The following SLC35F4 variants were observed in gnomAD, a reference collection of about 807,000 sequenced individuals.
The protein encoded by SLC35F4 is solute carrier family 35 member F4.
Under a neutral mutation model 44.2 loss-of-function variants are expected in SLC35F4, and 24 were observed. The ratio of observed to expected loss-of-function variants is 0.54; its 90% CI spans 0.39 to 0.76. SLC35F4 has a LOEUF of 0.76. Among genes scored for constraint, SLC35F4 ranks in the 30% least tolerant of loss-of-function variants. SLC35F4 has a pLI of 0.00. For synonymous variants in SLC35F4, 238 were observed against 223.6 expected (o/e 1.06, Z -0.57); for missense variants, 562 against 586.1 (o/e 0.96, Z 0.42).
chr14:57,870,787 T>G (rs957266391), upstream of SLC35F4, among the ~76,000 whole-genome samples: 2 of 152,256 alleles, frequency 1.3e-5, no homozygotes, highest in African/African-American at 4.8e-5. Flanking sequence ...ATTTACACTT[T>G]CACTCTCCAT....
chr14:57,622,465 T>C (rs1238012432), intron 1 of SLC35F4, among the ~76,000 whole-genome samples: 1 of 149,032 alleles, frequency 6.7e-6, no homozygotes, highest in Non-Finnish European at 1.5e-5. Context: ...GTGGCACATA[T>C]ACACCATGGA....
chr14:57,836,533 C>T (rs551541047), intron 1 of SLC35F4, among the ~76,000 whole-genome samples: 174 of 152,242 alleles, frequency 1.1e-3, no homozygotes, highest in Middle Eastern at 3.4e-3. Flanking sequence ...GCTCGTGATC[C>T]GCCTGCCTCA....
intron 1 of SLC35F4, among the ~76,000 whole-genome samples, chr14:57,937,595 GAAAAGAAAAGAAAAGAAAAGA>G (rs1566505603): frequency 1.7e-5 from 1 of 59,314 alleles, no homozygotes; most frequent in Non-Finnish European, 3.1e-5. Flanking sequence ...AGAAAGAAAA[GAAAAGAAAAGAAAAGAAAAGA>G]AAAGAAAAGA....
intron 1 of SLC35F4, among the ~76,000 whole-genome samples, chr14:57,957,178 C>G (rs1890252873): frequency 1.3e-5 from 2 of 152,084 alleles, no homozygotes; most frequent in Admixed American, 6.5e-5. Context: ...TCTCAGCAAA[C>G]TAACACAAGA....
chr14:57,852,395 G>C (rs1886659037), intron 1 of SLC35F4, among the ~76,000 whole-genome samples: 1 of 152,166 alleles, frequency 6.6e-6, no homozygotes, highest in African/African-American at 2.4e-5. Context: ...TAAAGAATCA[G>C]ACCTTGTAAG....
intron 1 of SLC35F4, among the ~76,000 whole-genome samples, chr14:57,874,245 T>A (rs1888352088): frequency 6.6e-6 from 1 of 152,112 alleles, no homozygotes; most frequent in Non-Finnish European, 1.5e-5. Context: ...AGCCAGGTAT[T>A]TGCTCCATAA....
chr14:57,867,002 T>TAATAATAAA (rs1566916240), upstream of SLC35F4, among the ~76,000 whole-genome samples: 1 of 146,740 alleles, frequency 6.8e-6, no homozygotes, highest in Non-Finnish European at 1.5e-5. Context: ...ATAATAATAA[T>TAATAATAAA]TTTCAAAGTT....
At chr14:57,912,615 T>C (rs1019426723) in intron 1 of SLC35F4, among the ~76,000 whole-genome samples, 31 of 152,168 alleles carry the variant, frequency 2.0e-4, no homozygotes, top group African/African-American at 7.2e-4. Context: ...TTTAATTCCA[T>C]TATTGTCTGA....
At chr14:57,657,609 C>T (rs764220589) in intron 1 of SLC35F4, among the ~76,000 whole-genome samples, 9 of 152,052 alleles carry the variant, frequency 5.9e-5, no homozygotes, top group East Asian at 3.9e-4. Context: ...CAAATTGCAT[C>T]GCACGTGAGA....
At chr14:57,873,646 C>CA (rs541905975) in intron 1 of SLC35F4, among the ~76,000 whole-genome samples, 35 of 151,840 alleles carry the variant, frequency 2.3e-4, no homozygotes, top group Admixed American at 3.9e-4. Context: ...ACTCAAAATT[C>CA]AAAAAATGGT....
At chr14:57,924,957 T>A (rs1889525018) in intron 1 of SLC35F4, among the ~76,000 whole-genome samples, 1 of 152,106 alleles carries the variant, frequency 6.6e-6, no homozygotes, top group South Asian at 2.1e-4. Context: ...GGTATCACTA[T>A]GTTGCCCCGG....
chr14:57,581,959 C>T (rs1356551670), intron 3 of SLC35F4, among the ~76,000 whole-genome samples: 1 of 152,084 alleles, frequency 6.6e-6, no homozygotes, highest in Non-Finnish European at 1.5e-5. Flanking sequence ...TTTTTCCTGC[C>T]AGCATTTTTA....
intron 1 of SLC35F4, among the ~76,000 whole-genome samples, chr14:57,813,791 A>G (rs1043071941): frequency 3.3e-5 from 5 of 152,100 alleles, no homozygotes; most frequent in African/African-American, 9.7e-5. Flanking sequence ...TTGTGGTGGG[A>G]ATCACAGAGA....
chr14:57,976,118 A>C (rs1272220438), downstream of SLC35F4, among the ~76,000 whole-genome samples: 1 of 152,214 alleles, frequency 6.6e-6, no homozygotes, highest in Non-Finnish European at 1.5e-5. Context: ...AGAGACTTAG[A>C]ACCCACTGAT....
At chr14:57,630,968 T>A (rs1169555500) in intron 1 of SLC35F4, 1 of 461,220 alleles carries the variant, frequency 2.2e-6, no homozygotes, top group Non-Finnish European at 2.9e-6. Flanking sequence ...GGTGAAAAGA[T>A]GTGGTTGACC....
chr14:57,669,659 C>A lies in SLC35F4; in HGVS notation c.104-75535G>T, dbSNP rs1024462447. ...TATTGATTTGCATCTGTTGAACCAGCCTTGCATCCCAGGGATGAAGCCCAC... is the reference window on the plus strand; with the variant it reads ...TATTGATTTGCATCTGTTGAACCAGACTTGCATCCCAGGGATGAAGCCCAC... On this transcript the variant is annotated intron_variant, in intron 1 of 7. Coordinates refer to ENST00000556826, the MANE Select transcript of SLC35F4 (RefSeq NM_001306087.2). 1.5e-4 allele frequency among the ~76,000 whole-genome samples: 23 copies of A among 152,190 alleles called. 1 individual carries two copies. The highest frequency in any genetic ancestry group is 5.3e-4 in the African/African-American group (22 of 41,462).
chr14:57,587,745 C>T (rs1433858059), intron 3 of SLC35F4, among the ~76,000 whole-genome samples: 1 of 151,858 alleles, frequency 6.6e-6, no homozygotes, highest in Non-Finnish European at 1.5e-5. Context: ...ACGTTCTGCC[C>T]ATGTATCCCA....
intron 1 of SLC35F4, among the ~76,000 whole-genome samples, chr14:57,660,775 T>A (rs552625223): frequency 1.3e-5 from 2 of 152,028 alleles, no homozygotes; most frequent in East Asian, 3.9e-4. Flanking sequence ...CCAACATGAG[T>A]GGGTCTGAAA....
chr14:57,733,786 T>A (rs1265535458), intron 1 of SLC35F4, among the ~76,000 whole-genome samples: 1 of 152,174 alleles, frequency 6.6e-6, no homozygotes, highest in South Asian at 2.1e-4. Context: ...GGCCTAGGCA[T>A]GTTATAGCCT....
Sources: allele counts gnomAD v4.1 joint callset (sites outside exome capture counted in the v4.1 genomes callset), GRCh38; gene constraint gnomAD v4.1.1; transcripts MANE v1.5; gene names NCBI Gene and HGNC (gene_info 2026-07-23, HGNC 2026-07-21).